Variants in ANKS1B observed in about 807,000 individuals in gnomAD.
The protein encoded by ANKS1B is ankyrin repeat and sterile alpha motif domain containing 1B, also known as ankyrin repeat and sterile alpha motif domain-containing protein 1B.
ANKS1B carries 36 observed loss-of-function variants against 148.3 expected under a neutral mutation model. That is an observed-to-expected ratio of 0.24 (90% CI 0.19 to 0.32). ANKS1B has a LOEUF of 0.32. Among genes scored for constraint, ANKS1B ranks in the 10% least tolerant of loss-of-function variants. The pLI, the probability that ANKS1B is intolerant of heterozygous loss-of-function variation, is 1.00. For missense variants in ANKS1B, 1,157 were observed against 1,542.6 expected, an observed-to-expected ratio of 0.75 and a Z score of 4.19; for synonymous variants, 542 against 560.8, an observed-to-expected ratio of 0.97 and a Z score of 0.47.
intron 1 of ANKS1B, among the ~76,000 whole-genome samples, chr12:99,937,011 T>A (rs2094793049): frequency 1.3e-5 from 2 of 152,284 alleles, no homozygotes; most frequent in South Asian, 4.1e-4. Flanking sequence ...GACAACCACA[T>A]ATGGATACAG....
intron 17 of ANKS1B, among the ~76,000 whole-genome samples, chr12:98,991,740 G>A (rs1284825183): frequency 2.0e-5 from 3 of 152,132 alleles, no homozygotes; most frequent in African/African-American, 4.8e-5. Context: ...TGCTGAAGTC[G>A]CATAGCTAGT....
At chr12:99,087,124 T>C (rs1476149153) in intron 15 of ANKS1B, among the ~76,000 whole-genome samples, 1 of 152,228 alleles carries the variant, frequency 6.6e-6, no homozygotes, top group Non-Finnish European at 1.5e-5. Context: ...TGAGTGGAAC[T>C]TGATGCCTTT....
At chr12:98,764,149 G>A (rs2098450138) in intron 25 of ANKS1B, among the ~76,000 whole-genome samples, 1 of 152,192 alleles carries the variant, frequency 6.6e-6, no homozygotes, top group South Asian at 2.1e-4. Context: ...GGTACAGGAG[G>A]AAGAAATGCC....
At chr12:99,459,903 C>T (rs1337853120) in intron 10 of ANKS1B, among the ~76,000 whole-genome samples, 2 of 151,998 alleles carry the variant, frequency 1.3e-5, no homozygotes, top group Admixed American at 6.6e-5. Flanking sequence ...CTAGAAAAAA[C>T]AATCCTAAAA....
chr12:98,782,013 T>C (rs2098741853), intron 23 of ANKS1B, 113 bp downstream of exon 23: 7 of 907,592 alleles, frequency 7.7e-6, no homozygotes, highest in East Asian at 2.6e-5. Flanking sequence ...TAATTTAGTA[T>C]GTGCCTTTCC....
intron 8 of ANKS1B, among the ~76,000 whole-genome samples, chr12:99,697,683 T>C (rs1470291518): frequency 6.6e-6 from 1 of 152,110 alleles, no homozygotes; most frequent in Non-Finnish European, 1.5e-5. Context: ...TATGGATTTG[T>C]CAAGAGCCAC....
At chr12:99,200,508 G>A (rs1180825140) in intron 14 of ANKS1B, among the ~76,000 whole-genome samples, 2 of 152,012 alleles carry the variant, frequency 1.3e-5, no homozygotes, top group Non-Finnish European at 2.9e-5. Flanking sequence ...TTATTTTTTT[G>A]TCATCATATG....
At chr12:99,672,758 A>T (rs894700954) in intron 8 of ANKS1B, among the ~76,000 whole-genome samples, 8 of 152,168 alleles carry the variant, frequency 5.3e-5, no homozygotes, top group African/African-American at 1.9e-4. Flanking sequence ...GCCATAGAAT[A>T]CCTTTATAGT....
chr12:99,923,936 A>G lies in ANKS1B; in HGVS notation c.134+60168T>C, dbSNP rs1159447125. Among the ~76,000 whole-genome samples the G allele has an allele frequency of 3.3e-5, 5 of 152,140 alleles. 1 individual carries two copies. Among genetic ancestry groups the G allele is most frequent in the Admixed American group, 3.3e-4 (5 of 15,258 alleles). On this transcript the variant is annotated intron_variant, in intron 1 of 26. Coordinates refer to ENST00000683438, the MANE Select transcript of ANKS1B (RefSeq NM_001352186.2). ...ACAAGGTTGAAATCTGTTTCTATTT[A>G]AAATTTTCATATTTTGTTCATCACA...
intron 1 of ANKS1B, among the ~76,000 whole-genome samples, chr12:99,865,440 T>C (rs1255344998): frequency 6.6e-6 from 1 of 152,138 alleles, no homozygotes; most frequent in African/African-American, 2.4e-5. Flanking sequence ...TACACAGTGT[T>C]TGAAGAAGTG....
chr12:99,643,524 C>G (rs1246102456), intron 9 of ANKS1B, among the ~76,000 whole-genome samples: 1 of 152,158 alleles, frequency 6.6e-6, no homozygotes. Context: ...TCAGCTCTAC[C>G]CTCTCGGGCC....
In ANKS1B at chr12:99,134,680, CA is replaced by C. The variant is rs1269089019; in HGVS notation, c.2526+19608del. 6.6e-5 allele frequency among the ~76,000 whole-genome samples: 10 copies of C among 150,604 alleles called. No homozygotes were observed. In the East Asian group the frequency reaches 1.9e-3, roughly 29 times the overall value. ...ACACACACACACACACACACACACA[CA>C]CACACACACACACACACACCAGGCA... On this transcript the variant is annotated intron_variant, in intron 15 of 26. Transcript: ENST00000683438.
chr12:99,159,729 C>G (rs1243837581), intron 14 of ANKS1B, among the ~76,000 whole-genome samples: 1 of 152,234 alleles, frequency 6.6e-6, no homozygotes, highest in Non-Finnish European at 1.5e-5. Flanking sequence ...GATTTATTTT[C>G]TTTTGGATAT....
intron 17 of ANKS1B, among the ~76,000 whole-genome samples, chr12:98,890,153 C>T (rs1345352434): frequency 1.3e-5 from 2 of 152,066 alleles, no homozygotes; most frequent in Non-Finnish European, 2.9e-5. Flanking sequence ...GAGGGAGGGC[C>T]AGTTTGTAAA....
At chr12:99,565,714 T>C (rs1300688444) in intron 9 of ANKS1B, among the ~76,000 whole-genome samples, 1 of 152,188 alleles carries the variant, frequency 6.6e-6, no homozygotes, top group African/African-American at 2.4e-5. Flanking sequence ...TTTTGGGGAC[T>C]TAACCATCTC....
At chr12:99,520,497 C>A (rs749982590) in intron 9 of ANKS1B, among the ~76,000 whole-genome samples, 26 of 152,112 alleles carry the variant, frequency 1.7e-4, no homozygotes, top group Non-Finnish European at 2.9e-4. Flanking sequence ...CTTTTAGGAT[C>A]CTTCCTTTAT....
intron 17 of ANKS1B, among the ~76,000 whole-genome samples, chr12:98,864,380 G>A (rs986743483): frequency 3.5e-4 from 54 of 152,148 alleles, no homozygotes; most frequent in African/African-American, 1.3e-3. Context: ...CTAAGGGATG[G>A]TTAATGTGTC....
chr12:99,068,976 T>C (rs1374346979), intron 16 of ANKS1B, among the ~76,000 whole-genome samples: 1 of 152,216 alleles, frequency 6.6e-6, no homozygotes, highest in Non-Finnish European at 1.5e-5. Flanking sequence ...CATAGTATTC[T>C]AGTTTTTGAC....
chr12:99,261,533 A>C (rs1380095902), intron 12 of ANKS1B, among the ~76,000 whole-genome samples: 1 of 152,068 alleles, frequency 6.6e-6, no homozygotes, highest in Non-Finnish European at 1.5e-5. Flanking sequence ...TTTCAACCTG[A>C]CTTCTCCCCC....
Sources: gnomAD v4.1 joint callset for allele counts (sites outside exome capture counted in the v4.1 genomes callset) on GRCh38, gnomAD v4.1.1 for gene constraint, MANE v1.5 for transcripts, NCBI Gene and HGNC (gene_info 2026-07-23, HGNC 2026-07-21) for gene names.